RALGAPA2: variants seen among roughly 807,000 people sequenced by gnomAD.
RALGAPA2 encodes ral GTPase-activating protein subunit alpha-2.
A neutral mutation model predicts 230.4 loss-of-function variants in RALGAPA2; 139 were observed. The observed-to-expected ratio is 0.60, with a 90% confidence interval of 0.53 to 0.69. The LOEUF (loss-of-function observed/expected upper bound fraction) is 0.69, where lower values mean the gene tolerates loss of function less well. Among genes scored for constraint, RALGAPA2 ranks in the 30% least tolerant of loss-of-function variants. The pLI is 0.00. For synonymous variants in RALGAPA2, 847 were observed against 837.8 expected (o/e 1.01, Z -0.19); for missense variants, 2,163 against 2,276.0 (o/e 0.95, Z 1.01).
chr20:20,547,281 G>GAGA (rs2063798659), intron 23 of RALGAPA2, among the ~76,000 whole-genome samples: 2 of 152,208 alleles, frequency 1.3e-5, no homozygotes. Flanking sequence ...TCACTCTTCA[G>GAGA]ATAGTTTTAC....
At chr20:20,451,403 A>T (rs994582647) in intron 37 of RALGAPA2, among the ~76,000 whole-genome samples, 31 of 152,196 alleles carry the variant, frequency 2.0e-4, no homozygotes, top group Non-Finnish European at 3.4e-4. Flanking sequence ...ATCTATTTTT[A>T]AAAAAATCTA....
In RALGAPA2 at chr20:20,635,415, T is replaced by C; in HGVS notation, c.1005+3A>G. On this transcript the variant is annotated splice_donor_region_variant and intron_variant, in intron 9 of 39. Coordinates refer to ENST00000202677, the MANE Select transcript of RALGAPA2 (RefSeq NM_020343.4). ...ACAGATAAAAAGATGATGGATGGCA[T>C]ACCTGGATGATTTTAGGCAATACAT... 5 of 1,587,038 alleles carry C rather than the reference T, an allele frequency of 3.2e-6. No homozygotes were observed. The highest frequency in any genetic ancestry group is 4.3e-6 in the Non-Finnish European group (5 of 1,166,922).
intron 17 of RALGAPA2, 52 bp from the exon 18 acceptor site, chr20:20,589,417 A>G (rs2065223365): frequency 2.7e-6 from 4 of 1,499,560 alleles, no homozygotes; most frequent in Non-Finnish European, 3.6e-6. Flanking sequence ...TGTTTCAGAT[A>G]GTAAAACCGG....
chr20:20,549,947 G>C (rs1354956403), intron 23 of RALGAPA2, among the ~76,000 whole-genome samples: 1 of 152,156 alleles, frequency 6.6e-6, no homozygotes, highest in African/African-American at 2.4e-5. Flanking sequence ...TGTCCAAAGT[G>C]AACATTACTT....
chr20:20,583,001 G>T (rs1440793453), intron 20 of RALGAPA2, 49 bp downstream of exon 20: 2 of 1,567,954 alleles, frequency 1.3e-6, no homozygotes, highest in Admixed American at 3.4e-5. Context: ...ATTCACAACT[G>T]ATCTCCCAGC....
intron 20 of RALGAPA2, 110 bp downstream of exon 20, chr20:20,582,940 A>G: frequency 8.5e-7 from 1 of 1,182,426 alleles, no homozygotes; most frequent in Non-Finnish European, 1.2e-6. Flanking sequence ...GGAGCATGGC[A>G]CACTTCCTCC....
chr20:20,517,963 C>A (rs983067608), intron 31 of RALGAPA2, among the ~76,000 whole-genome samples: 1 of 152,030 alleles, frequency 6.6e-6, no homozygotes, highest in Non-Finnish European at 1.5e-5. Flanking sequence ...GGATCCAAAC[C>A]AAGATGAAAT....
chr20:20,696,451 T>C (rs914030788), intron 1 of RALGAPA2, among the ~76,000 whole-genome samples: 1 of 152,058 alleles, frequency 6.6e-6, no homozygotes, highest in Admixed American at 6.5e-5. Flanking sequence ...GGAACCACAT[T>C]GATTCCTTTA....
At chr20:20,525,981 C>T (rs1487960462) in intron 28 of RALGAPA2, among the ~76,000 whole-genome samples, 1 of 152,106 alleles carries the variant, frequency 6.6e-6, no homozygotes, top group Non-Finnish European at 1.5e-5. Flanking sequence ...ATGAATGAAG[C>T]CCAATCTACA....
intron 16 of RALGAPA2, among the ~76,000 whole-genome samples, chr20:20,600,511 A>G (rs76963858): frequency 6.6e-6 from 1 of 152,358 alleles, no homozygotes; most frequent in East Asian, 1.9e-4. Flanking sequence ...CTACAGCAAA[A>G]AAGTATGAGA....
intron 10 of RALGAPA2, among the ~76,000 whole-genome samples, chr20:20,622,751 G>A (rs6132326): frequency 0.017 from 2,568 of 151,974 alleles, 94 homozygotes; most frequent in East Asian, 0.14. Flanking sequence ...GCAATAAAAT[G>A]CAATAAAAAG....
chr20:20,451,697 T>C (rs775375960), intron 37 of RALGAPA2, among the ~76,000 whole-genome samples: 10 of 152,352 alleles, frequency 6.6e-5, no homozygotes, highest in Non-Finnish European at 8.8e-5. Flanking sequence ...GGTCTCAGAT[T>C]GAATGTAGCT....
chr20:20,605,013 G>A (rs1260085511), intron 15 of RALGAPA2, among the ~76,000 whole-genome samples, 162 bp downstream of exon 15: 1 of 152,064 alleles, frequency 6.6e-6, no homozygotes, highest in Non-Finnish European at 1.5e-5. Flanking sequence ...CTCATTAAGG[G>A]AACAGAATGA....
intron 7 of RALGAPA2, among the ~76,000 whole-genome samples, chr20:20,639,217 A>G (rs545518305): frequency 6.6e-6 from 1 of 152,344 alleles, no homozygotes; most frequent in South Asian, 2.1e-4. Context: ...ACTGGACAAT[A>G]CCCAGGATGA....
At chr20:20,696,836 C>A (rs2069131756) in intron 1 of RALGAPA2, among the ~76,000 whole-genome samples, 1 of 152,132 alleles carries the variant, frequency 6.6e-6, no homozygotes, top group African/African-American at 2.4e-5. Context: ...ATACACATAC[C>A]CTTATCAAGC....
chr20:20,659,650 G>T, intron 3 of RALGAPA2: 1 of 305,810 alleles, frequency 3.3e-6, no homozygotes, highest in East Asian at 7.8e-5. Context: ...ACTAACATAA[G>T]ACAACATCCT....
intron 4 of RALGAPA2, among the ~76,000 whole-genome samples, chr20:20,653,195 C>CAAAAAAAAAAAAAA (rs60906434): frequency 1.8e-4 from 5 of 27,528 alleles, no homozygotes; most frequent in Non-Finnish European, 1.5e-4. Context: ...GACTCCATCT[C>CAAAAAAAAAAAAAA]AAAAAAAAAA....
chr20:20,710,596 T>A (rs1012690982), intron 1 of RALGAPA2, among the ~76,000 whole-genome samples: 24 of 152,328 alleles, frequency 1.6e-4, no homozygotes, highest in African/African-American at 5.5e-4. Context: ...CTCTCCATGT[T>A]ACAAAACTGA....
Position 20,573,012 on chromosome 20 carries a change from C to G in RALGAPA2, c.2764G>C (p.Gly922Arg). ...CSIIAGGSLT[G>R]WHPDSAAVLW... Reference sequence around the variant, plus strand: ...ACAGCAGCAGAGTCTGGGTGCCAACCAGTGAGGCTCCCCCCGGCGATTATA... The same window carrying G: ...ACAGCAGCAGAGTCTGGGTGCCAACGAGTGAGGCTCCCCCCGGCGATTATA... The change falls in exon 21 of 40, where the codon GGT becomes CGT. Residue 922 changes from glycine (G) to arginine (R), a missense_variant. Gly to Arg is a moderately radical substitution (Grantham distance 125). Transcript: ENST00000202677. The G allele has an allele frequency of 1.9e-6, 3 of 1,610,716 alleles. No homozygotes were observed. Among genetic ancestry groups the G allele is most frequent in the Non-Finnish European group, 2.5e-6 (3 of 1,178,604 alleles).
Sources: allele counts gnomAD v4.1 joint callset (sites outside exome capture counted in the v4.1 genomes callset), GRCh38; gene constraint gnomAD v4.1.1; transcripts MANE v1.5; gene names NCBI Gene and HGNC (gene_info 2026-07-23, HGNC 2026-07-21).